Variants in SLC41A2 observed in about 807,000 individuals in gnomAD.
SLC41A2 encodes SLC41A1-like 1.
Under a neutral mutation model 58.3 loss-of-function variants are expected in SLC41A2, and 32 were observed. The observed-to-expected ratio is 0.55, with a 90% confidence interval of 0.41 to 0.74. The LOEUF is 0.74. Ranked by LOEUF, SLC41A2 falls within the 30% of genes least tolerant of loss-of-function variation. SLC41A2 has a pLI of 0.00. For missense variants in SLC41A2, 514 were observed against 680.6 expected (o/e 0.76, Z 2.72); for synonymous variants, 190 against 235.0 (o/e 0.81, Z 1.75).
At chr12:104,877,610 A>G (rs974775612) in intron 6 of SLC41A2, among the ~76,000 whole-genome samples, 1 of 152,160 alleles carries the variant, frequency 6.6e-6, no homozygotes, top group Non-Finnish European at 1.5e-5. Context: ...TGTATGCATC[A>G]CTATATAACA....
At chr12:104,934,417 A>C (rs1346880349) in intron 1 of SLC41A2, among the ~76,000 whole-genome samples, 1 of 152,208 alleles carries the variant, frequency 6.6e-6, no homozygotes, top group Non-Finnish European at 1.5e-5. Flanking sequence ...CTCTCTTTGT[A>C]AACTATAAAG....
chr12:104,882,542 T>C (rs987601450), intron 6 of SLC41A2, among the ~76,000 whole-genome samples: 1 of 152,132 alleles, frequency 6.6e-6, no homozygotes, highest in African/African-American at 2.4e-5. Flanking sequence ...AGCATTTGCT[T>C]GTCTGTAAAG....
chr12:104,813,761 G>T (rs1459230691), intron 10 of SLC41A2, among the ~76,000 whole-genome samples: 1 of 152,018 alleles, frequency 6.6e-6, no homozygotes, highest in Non-Finnish European at 1.5e-5. Flanking sequence ...TCAGCCTCCT[G>T]AGTAGCTAGG....
chr12:104,925,475 A>G (rs1454586958), intron 2 of SLC41A2, among the ~76,000 whole-genome samples: 1 of 152,052 alleles, frequency 6.6e-6, no homozygotes, highest in African/African-American at 2.4e-5. Context: ...GGAGAACGGT[A>G]TGAACCCGGG....
intron 10 of SLC41A2, among the ~76,000 whole-genome samples, chr12:104,820,337 C>T (rs2041577989): frequency 6.6e-6 from 1 of 152,182 alleles, no homozygotes; most frequent in South Asian, 2.1e-4. Context: ...GCGGTGCACA[C>T]CTGTAGTTCT....
chr12:104,940,347 C>T (rs2047456499), intron 1 of SLC41A2, among the ~76,000 whole-genome samples: 1 of 69,200 alleles, frequency 1.4e-5, no homozygotes, highest in Admixed American at 1.4e-4. Context: ...TAAAAAGGCT[C>T]ACCTGGGGGG....
intron 1 of SLC41A2, among the ~76,000 whole-genome samples, chr12:104,946,117 G>A (rs925127565): frequency 2.6e-5 from 4 of 152,070 alleles, no homozygotes; most frequent in African/African-American, 9.7e-5. Flanking sequence ...TGCTTCGACT[G>A]CATATTAAGC....
rs1416030558 is a variant in SLC41A2, at chr12:104,928,710, A to G, written c.-167-16T>C. ...AGGACTGGATCTGGAAAAATAAAAT[A>G]ATTTTTAAAAATCAGAGAAACAAGA... On this transcript the variant is annotated splice_polypyrimidine_tract_variant and intron_variant, in intron 1 of 10. Transcript: ENST00000258538. The G allele has an allele frequency of 9.4e-6, 4 of 425,180 alleles. No individual in the cohort carries two copies. The highest frequency in any genetic ancestry group is 8.3e-5 in the South Asian group (1 of 12,102). The allele number at this position is 425,180 out of a possible 1,614,324, so 26.3% of individuals were successfully genotyped here. A position where few individuals can be genotyped will look rare whatever the true frequency, so the allele number is the denominator to read the frequency against.
rs546083974 is a variant in SLC41A2, at chr12:104,896,925, C to T, written c.664-1580G>A. Among the ~76,000 whole-genome samples the T allele has an allele frequency of 5.3e-5, 8 of 152,262 alleles. No individual in the cohort carries two copies. The South Asian group carries it at 1.0e-3, about 20-fold the overall frequency. ...ATTATTTTTGGAAGGTGATCAGACA[C>T]GCAGGTGTCCAGACTTCCTCGCTGT... On this transcript the variant is annotated intron_variant, in intron 3 of 10. Transcript: ENST00000258538.
intron 10 of SLC41A2, among the ~76,000 whole-genome samples, chr12:104,834,648 T>A (rs1168997251): frequency 1.3e-5 from 2 of 151,658 alleles, no homozygotes; most frequent in Non-Finnish European, 2.9e-5. Flanking sequence ...TGAGATGCCA[T>A]CTGGGAACAG....
At chr12:104,913,801 G>T (rs1443001089) in intron 2 of SLC41A2, among the ~76,000 whole-genome samples, 2 of 152,188 alleles carry the variant, frequency 1.3e-5, no homozygotes, top group African/African-American at 4.8e-5. Flanking sequence ...AGGTTGGGCA[G>T]CGGCTCACGC....
chr12:104,944,649 T>C (rs2047641135), intron 1 of SLC41A2, among the ~76,000 whole-genome samples: 1 of 152,258 alleles, frequency 6.6e-6, no homozygotes, highest in African/African-American at 2.4e-5. Context: ...CAAAAGAACT[T>C]TCTTCTGGAG....
At chr12:104,827,288 AG>A (rs1220454031) in intron 10 of SLC41A2, among the ~76,000 whole-genome samples, 1 of 152,228 alleles carries the variant, frequency 6.6e-6, no homozygotes, top group Non-Finnish European at 1.5e-5. Flanking sequence ...AGCACTTTAG[AG>A]AACCTCCTTA....
chr12:104,866,599 AAAAAAG>A lies in SLC41A2; in HGVS notation c.1028-26_1028-21del. 1 of 1,549,922 alleles carries A rather than the reference AAAAAAG, an allele frequency of 6.5e-7. No homozygotes were observed. The highest frequency in any genetic ancestry group is 8.7e-7 in the Non-Finnish European group (1 of 1,150,538). The stretch of plus-strand genomic sequence containing the variant: ...AGGTCTCTAAAATTAAAAAAAAAAA[AAAAAAG>A]AGAGACAACATTTAAATCTCTCTTC... On this transcript the variant is annotated intron_variant, in intron 6 of 10. Coordinates refer to ENST00000258538, the MANE Select transcript of SLC41A2 (RefSeq NM_001352171.3).
chr12:104,889,230 A>C (rs2044823182), intron 4 of SLC41A2, 53 bp from the exon 5 acceptor site: 1 of 1,527,342 alleles, frequency 6.5e-7, no homozygotes, highest in African/African-American at 1.4e-5. Context: ...AAACACATTT[A>C]AACATTTTGA....
chr12:104,871,583 A>C (rs1369596048), intron 6 of SLC41A2, among the ~76,000 whole-genome samples: 1 of 152,182 alleles, frequency 6.6e-6, no homozygotes, highest in Non-Finnish European at 1.5e-5. Context: ...TAGTGGTACT[A>C]ATTCCCAGAT....
chr12:104,886,536 A>G (rs1327232697), intron 5 of SLC41A2, 97 bp from the exon 6 acceptor site: 13 of 1,297,466 alleles, frequency 1.0e-5, no homozygotes, highest in Middle Eastern at 2.0e-4. Flanking sequence ...CAGCATATCA[A>G]TTCCAGTTAG....
intron 1 of SLC41A2, among the ~76,000 whole-genome samples, chr12:104,950,170 T>C (rs2047897769): frequency 6.6e-6 from 1 of 152,186 alleles, no homozygotes; most frequent in South Asian, 2.1e-4. Context: ...TATTTTAATT[T>C]TGAGACAGGG....
chr12:104,949,284 T>C (rs993208213), intron 1 of SLC41A2, among the ~76,000 whole-genome samples: 1 of 152,150 alleles, frequency 6.6e-6, no homozygotes, highest in Non-Finnish European at 1.5e-5. Context: ...AAAGTAATCA[T>C]ATCATAAATT....
Sources: allele counts gnomAD v4.1 joint callset (sites outside exome capture counted in the v4.1 genomes callset), GRCh38; gene constraint gnomAD v4.1.1; transcripts MANE v1.5; gene names NCBI Gene and HGNC (gene_info 2026-07-23, HGNC 2026-07-21).